The following CTNS variants were observed in gnomAD, a reference collection of about 807,000 sequenced individuals.
CTNS encodes cystinosin, lysosomal cystine transporter.
In CTNS, 27 loss-of-function variants were observed where a neutral mutation model predicts 43.7. The ratio of observed to expected loss-of-function variants is 0.62; its 90% CI spans 0.46 to 0.85. The LOEUF (loss-of-function observed/expected upper bound fraction) is 0.85, where lower values mean the gene tolerates loss of function less well. CTNS is among the 40% of genes least tolerant of loss of function. The pLI, the probability that CTNS is intolerant of heterozygous loss-of-function variation, is 0.00. For synonymous variants in CTNS, 187 were observed against 190.6 expected (o/e 0.98, Z 0.16); for missense variants, 457 against 475.4 (o/e 0.96, Z 0.36).
intron 9 of CTNS, chr17:3,657,624 T>C: frequency 5.8e-6 from 2 of 342,942 alleles, no homozygotes; most frequent in Middle Eastern, 9.5e-4. Context: ...GACGAGTCAG[T>C]ACCTGGCTGG....
At chr17:3,639,707 GT>G (rs936382491) in intron 2 of CTNS, among the ~76,000 whole-genome samples, 2 of 151,286 alleles carry the variant, frequency 1.3e-5, no homozygotes, top group Non-Finnish European at 2.9e-5. Context: ...AAAAAAAAAT[GT>G]TTTTTTAAGT....
At position 3,641,172 on chromosome 17, in the gene CTNS, G is replaced by A. The variant is rs948901088; in HGVS notation, c.61+905G>A. On this transcript the variant is annotated intron_variant, in intron 3 of 11. Transcript: ENST00000046640. ...ACACAGGCTGGGATGGAGTTTACACGTCCTTGTAGGAGGAATGACCTTCAG... is the reference window on the plus strand; with the variant it reads ...ACACAGGCTGGGATGGAGTTTACACATCCTTGTAGGAGGAATGACCTTCAG... 4.0e-5 allele frequency among the ~76,000 whole-genome samples: 6 copies of A among 151,562 alleles called. No individual in the cohort carries two copies. The East Asian group carries it at 5.8e-4, about 15-fold the overall frequency.
intron 2 of CTNS, among the ~76,000 whole-genome samples, chr17:3,639,208 T>G (rs1479561193): frequency 3.9e-5 from 6 of 152,104 alleles, no homozygotes; most frequent in African/African-American, 1.2e-4. Flanking sequence ...CAGAAATCCA[T>G]GCCGGCCTGG....
rs2076252066 is a variant in CTNS, at chr17:3,660,126, C to T, written c.971-110C>T. 2.6e-6 allele frequency: 4 copies of T among 1,527,000 alleles called. No homozygotes were observed. In the South Asian group the frequency reaches 3.4e-5, roughly 13 times the overall value. 94.6% of individuals were successfully genotyped at this position (1,527,000 alleles called of 1,614,324 possible). Reference sequence around the variant, plus strand: ...GAGACCCACCTAGGGGCCTTCGTAGCTGGAGGCTTTGTGGTTTTCTGGGAC... The same window carrying T: ...GAGACCCACCTAGGGGCCTTCGTAGTTGGAGGCTTTGTGGTTTTCTGGGAC... On this transcript the variant is annotated intron_variant, in intron 11 of 11. Coordinates refer to ENST00000046640, the MANE Select transcript of CTNS (RefSeq NM_004937.3).
Position 3,658,083 on chromosome 17 carries a change from G to A in CTNS, c.760G>A (p.Val254Met), listed in dbSNP as rs745824687. The A allele has an allele frequency of 1.4e-5, 22 of 1,612,220 alleles. No individual in the cohort carries two copies. Among genetic ancestry groups the A allele is most frequent in the South Asian group, 1.1e-4 (10 of 90,992 alleles). Residue 254 changes from valine to methionine, a missense_variant, in exon 10 of 12, where the codon GTG becomes ATG. Transcript: ENST00000046640. ...AWLFAFVTMI[V>M]AAVGVTTWLQ... ...GCTCTTCGCATTTGTCACCATGATC[G>A]TGGCTGCAGTGGGAGTGACCACGTG...
chr17:3,644,538 C>T lies in CTNS; in HGVS notation c.62-2906C>T, dbSNP rs186631683. Among the ~76,000 whole-genome samples, 8 of 152,330 alleles carry T rather than the reference C, an allele frequency of 5.3e-5. No homozygotes were observed. The East Asian group carries it at 1.5e-3, about 29-fold the overall frequency. ...GGAGAGCAGTGGCGCAATCTCAGCTCACTGCAGCCCCCGCTTCCTGGGTTC... is the reference window on the plus strand; with the variant it reads ...GGAGAGCAGTGGCGCAATCTCAGCTTACTGCAGCCCCCGCTTCCTGGGTTC... On this transcript the variant is annotated intron_variant, in intron 3 of 11. Transcript: ENST00000046640.
chr17:3,655,052 G>C lies in CTNS; in HGVS notation c.280G>C (p.Val94Leu). Residue 94 changes from valine (V) to leucine (L), a missense_variant, in exon 6 of 12, where the codon GTT becomes CTT. Physicochemically the swap from Val to Leu is conservative, Grantham distance 32 (BLOSUM62 1). Transcript: ENST00000046640. ...NSSFQVTSQN[V>L]GQLTVYLHGN... ...CTCTTTTCAAGTGACATCTCAAAAT[G>C]TTGGACAACTTACTGTTTATCTACA... The C allele has an allele frequency of 6.2e-7, 1 of 1,614,140 alleles. No homozygotes were observed. Among genetic ancestry groups the C allele is most frequent in the Non-Finnish European group, 8.5e-7 (1 of 1,179,994 alleles).
rs1341930390 is a variant in CTNS at position 3,661,588 on chromosome 17, C to G, written c.*1219C>G. The G allele has an allele frequency of 6.6e-6, 1 of 152,326 alleles. No homozygotes were observed. The highest frequency in any genetic ancestry group is 1.5e-5 in the Non-Finnish European group (1 of 68,114). The allele number at this position is 152,326 out of a possible 1,614,324, so 9.4% of individuals were successfully genotyped here. A position where few individuals can be genotyped will look rare whatever the true frequency, so the allele number is the denominator to read the frequency against. ...AGGCAGGTGTGCTGGCCTTCAGAGC[C>G]AGGTGCCCTGCTCCCCTCGTGTAAG... is the stretch of plus-strand genomic sequence containing the variant. On this transcript the variant is annotated 3_prime_UTR_variant, in exon 12 of 12. Transcript: ENST00000046640.
intron 4 of CTNS, among the ~76,000 whole-genome samples, chr17:3,648,454 CCCT>C (rs1223865950): frequency 1.3e-5 from 2 of 152,244 alleles, no homozygotes; most frequent in Admixed American, 1.3e-4. Context: ...CCGGACTGCT[CCCT>C]CCTCATTCCC....
intron 7 of CTNS, 125 bp downstream of exon 7, chr17:3,655,477 A>C: frequency 6.9e-7 from 1 of 1,459,484 alleles, no homozygotes; most frequent in African/African-American, 1.4e-5. Context: ...CCCTTTCCAG[A>C]AAGTTGTCCC....
chr17:3,640,083 G>T, intron 2 of CTNS, 105 bp from the exon 3 acceptor site: 1 of 883,702 alleles, frequency 1.1e-6, no homozygotes, highest in South Asian at 1.3e-5. Flanking sequence ...CTGTCAGGTG[G>T]CAGTCCTTTA....
intron 5 of CTNS, 146 bp from the exon 6 acceptor site, chr17:3,654,852 C>T: frequency 1.3e-6 from 1 of 746,898 alleles, no homozygotes; most frequent in Non-Finnish European, 2.4e-6. Context: ...GGCGCAGCGT[C>T]TCTCCTTTTG....
At chr17:3,644,828 T>C (rs2075808204) in intron 3 of CTNS, among the ~76,000 whole-genome samples, 1 of 152,200 alleles carries the variant, frequency 6.6e-6, no homozygotes, top group Admixed American at 6.5e-5. Context: ...CTCCAAATCC[T>C]GACCTCAGGT....
chr17:3,648,827 T>C lies in CTNS; in HGVS notation c.141-20T>C. 6.3e-7 allele frequency: 1 copy of C among 1,596,728 alleles called. No individual in the cohort carries two copies. The highest frequency in any genetic ancestry group is 2.2e-5 in the East Asian group (1 of 44,794). On this transcript the variant is annotated intron_variant, in intron 4 of 11. Coordinates refer to ENST00000046640, the MANE Select transcript of CTNS (RefSeq NM_004937.3). Reference sequence around the variant, plus strand: ...CACTGTCCAGCTTCTCAGCAGTAATTAGACTCTTGTCCTCCACAGGCCACC... The same window carrying C: ...CACTGTCCAGCTTCTCAGCAGTAATCAGACTCTTGTCCTCCACAGGCCACC...
chr17:3,637,608 A>G (rs1002193609), intron 2 of CTNS, among the ~76,000 whole-genome samples: 3 of 152,100 alleles, frequency 2.0e-5, no homozygotes, highest in Non-Finnish European at 2.9e-5. Context: ...CTGGGACTAC[A>G]GGCCTGAGCC....
chr17:3,650,186 G>C (rs759698490), intron 5 of CTNS: 8 of 1,550,390 alleles, frequency 5.2e-6, no homozygotes, highest in Non-Finnish European at 7.0e-6. Context: ...GGTGGAAGCA[G>C]GAGGAGAAGA....
chr17:3,643,116 T>C (rs9899082), intron 3 of CTNS, among the ~76,000 whole-genome samples: 6,071 of 151,786 alleles, frequency 0.04, 186 homozygotes, highest in African/African-American at 0.084. Context: ...AGATCGAGAC[T>C]ATCCTGGCTA....
chr17:3,652,966 C>T (rs2076022104), intron 5 of CTNS, among the ~76,000 whole-genome samples: 1 of 152,142 alleles, frequency 6.6e-6, no homozygotes, highest in African/African-American at 2.4e-5. Context: ...CAAGGGTCCT[C>T]ATTAAGAAGC....
At chr17:3,654,953 G>A (rs377060700) in intron 5 of CTNS, 45 bp from the exon 6 acceptor site, 32 of 1,417,214 alleles carry the variant, frequency 2.3e-5, no homozygotes, top group African/African-American at 1.6e-4. Flanking sequence ...CGGGGTCCTC[G>A]GTAACTGTAC....
Sources: allele counts gnomAD v4.1 joint callset (sites outside exome capture counted in the v4.1 genomes callset), GRCh38; gene constraint gnomAD v4.1.1; transcripts MANE v1.5; gene names NCBI Gene and HGNC (gene_info 2026-07-23, HGNC 2026-07-21).